Variants in ADAMTS6 observed in about 807,000 individuals in gnomAD.
The protein encoded by ADAMTS6 is ADAM metallopeptidase with thrombospondin type 1 motif 6.
A neutral mutation model predicts 144.3 loss-of-function variants in ADAMTS6; 23 were observed. That is an observed-to-expected ratio of 0.16 (90% CI 0.11 to 0.23). The LOEUF (loss-of-function observed/expected upper bound fraction) is 0.23. Among genes scored for constraint, ADAMTS6 ranks in the 10% least tolerant of loss-of-function variants. The pLI is 1.00. For synonymous variants in ADAMTS6, 444 were observed against 457.5 expected, an observed-to-expected ratio of 0.97 and a Z score of 0.38; for missense variants, 999 against 1,379.6, an observed-to-expected ratio of 0.72 and a Z score of 4.37.
At chr5:65,247,499 C>A (rs1475642839) in intron 14 of ADAMTS6, among the ~76,000 whole-genome samples, 2 of 152,120 alleles carry the variant, frequency 1.3e-5, no homozygotes, top group Non-Finnish European at 2.9e-5. Context: ...GTCCCCAATC[C>A]TTTTTGTGCC....
chr5:65,156,938 C>G (rs1422244083), intron 24 of ADAMTS6, among the ~76,000 whole-genome samples: 3 of 152,202 alleles, frequency 2.0e-5, no homozygotes, highest in African/African-American at 7.2e-5. Context: ...CCTAATTATT[C>G]TCTCCTCTTT....
intron 15 of ADAMTS6, 78 bp from the exon 16 acceptor site, chr5:65,226,297 T>C (rs11746271): frequency 0.14 from 196,008 of 1,444,864 alleles, 14,389 homozygotes; most frequent in Non-Finnish European, 0.15. Flanking sequence ...CTATGGCAAA[T>C]TTATAATTCA....
In ADAMTS6 at chr5:65,225,983, G is replaced by T. The variant is rs1757691343; in HGVS notation, c.2067+103C>A. On this transcript the variant is annotated intron_variant, in intron 16 of 24. Coordinates refer to ENST00000381055, the MANE Select transcript of ADAMTS6 (RefSeq NM_197941.4). ...GGAAATTGAATTTCTCTAAAATGTG[G>T]TCCCCTTTTTTTAAAAAATTAAACA... is the stretch of plus-strand genomic sequence containing the variant. 2.7e-5 allele frequency: 33 copies of T among 1,229,884 alleles called. No homozygotes were observed. In the East Asian group the frequency reaches 8.4e-4, roughly 31 times the overall value. 76.2% of individuals were successfully genotyped at this position (1,229,884 alleles called of 1,614,324 possible). A position where few individuals can be genotyped will look rare whatever the true frequency, so the allele number is the denominator to read the frequency against.
chr5:65,172,514 T>C (rs1753696821), intron 23 of ADAMTS6, among the ~76,000 whole-genome samples: 1 of 152,230 alleles, frequency 6.6e-6, no homozygotes, highest in African/African-American at 2.4e-5. Flanking sequence ...CAGCTGGGAC[T>C]AGAATCCAAA....
chr5:65,476,555 T>C (rs1364668348), intron 1 of ADAMTS6, among the ~76,000 whole-genome samples: 1 of 152,192 alleles, frequency 6.6e-6, no homozygotes, highest in Non-Finnish European at 1.5e-5. Flanking sequence ...ACTTCCAGTT[T>C]AAGGCACTCA....
At chr5:65,385,288 C>T (rs1230731180) in intron 7 of ADAMTS6, among the ~76,000 whole-genome samples, 1 of 152,196 alleles carries the variant, frequency 6.6e-6, no homozygotes, top group Non-Finnish European at 1.5e-5. Flanking sequence ...GTAGTACAGA[C>T]AGTATGAATT....
At chr5:65,212,035 C>T (rs1756566765) in intron 20 of ADAMTS6, among the ~76,000 whole-genome samples, 1 of 152,162 alleles carries the variant, frequency 6.6e-6, no homozygotes, top group Non-Finnish European at 1.5e-5. Flanking sequence ...CAGTGGTACA[C>T]AAACTTGAGC....
intron 9 of ADAMTS6, among the ~76,000 whole-genome samples, chr5:65,328,433 G>T (rs955501736): frequency 1.2e-4 from 18 of 151,976 alleles, no homozygotes; most frequent in Non-Finnish European, 2.2e-4. Context: ...AGCTAAAAAT[G>T]CTTGACTAAC....
chr5:65,321,860 C>T (rs1400835357), intron 9 of ADAMTS6, among the ~76,000 whole-genome samples: 1 of 151,888 alleles, frequency 6.6e-6, no homozygotes, highest in Non-Finnish European at 1.5e-5. Context: ...GGACTACAGG[C>T]ATGTGCCACC....
chr5:65,217,735 A>C (rs1580087706), intron 18 of ADAMTS6, among the ~76,000 whole-genome samples: 1 of 152,200 alleles, frequency 6.6e-6, no homozygotes. Flanking sequence ...AAATGGAATG[A>C]TATTTTAACT....
chr5:65,398,322 A>G (rs1240368065), intron 7 of ADAMTS6, among the ~76,000 whole-genome samples: 1 of 152,242 alleles, frequency 6.6e-6, no homozygotes, highest in Non-Finnish European at 1.5e-5. Context: ...TTAGGCAAAT[A>G]TACATTAAAG....
intron 1 of ADAMTS6, among the ~76,000 whole-genome samples, chr5:65,476,677 C>T (rs1414559830): frequency 2.0e-5 from 3 of 151,998 alleles, no homozygotes; most frequent in Non-Finnish European, 4.4e-5. Flanking sequence ...GGCACGATCT[C>T]AGCTCACTGC....
chr5:65,407,807 A>G (rs1215806336), intron 7 of ADAMTS6, among the ~76,000 whole-genome samples: 1 of 152,150 alleles, frequency 6.6e-6, no homozygotes, highest in African/African-American at 2.4e-5. Context: ...ACGTATGTTT[A>G]TTGCGGCACT....
chr5:65,405,559 T>C (rs1166961488), intron 7 of ADAMTS6, among the ~76,000 whole-genome samples: 3 of 152,198 alleles, frequency 2.0e-5, no homozygotes, highest in African/African-American at 7.2e-5. Context: ...CCTTGTAGTA[T>C]AGTTTGAAGT....
At chr5:65,348,793 T>G (rs1748582133) in intron 7 of ADAMTS6, among the ~76,000 whole-genome samples, 1 of 151,936 alleles carries the variant, frequency 6.6e-6, no homozygotes, top group South Asian at 2.1e-4. Flanking sequence ...TTAAAAAAAT[T>G]TTATAACTTG....
chr5:65,325,648 C>T (rs1173979276), intron 9 of ADAMTS6, among the ~76,000 whole-genome samples: 1 of 151,968 alleles, frequency 6.6e-6, no homozygotes, highest in Non-Finnish European at 1.5e-5. Flanking sequence ...TGCATGCCAC[C>T]ACACCTTGCT....
At chr5:65,211,364 G>A (rs1756520638) in intron 20 of ADAMTS6, among the ~76,000 whole-genome samples, 1 of 152,228 alleles carries the variant, frequency 6.6e-6, no homozygotes, top group Admixed American at 6.5e-5. Flanking sequence ...CACTCTGGGA[G>A]GCTGACGCAG....
At position 65,427,302 on chromosome 5, in the gene ADAMTS6, A is replaced by T. The variant is rs137868895; in HGVS notation, c.1073+24173T>A. On this transcript the variant is annotated intron_variant, in intron 7 of 24. Transcript: ENST00000381055. ...ATCAATCACTTAATTTTATTTTATTATTATTATTATTTTTTTTTAGAGACT... is the reference window on the plus strand; with the variant it reads ...ATCAATCACTTAATTTTATTTTATTTTTATTATTATTTTTTTTTAGAGACT... Among the ~76,000 whole-genome samples, 1,090 of 151,860 alleles carry T rather than the reference A, an allele frequency of 7.2e-3. 13 individuals carry two copies. Among genetic ancestry groups the T allele is most frequent in the African/African-American group, 0.025 (1,024 of 41,478 alleles).
At chr5:65,174,480 C>T (rs574302902) in intron 22 of ADAMTS6, among the ~76,000 whole-genome samples, 97 of 152,274 alleles carry the variant, frequency 6.4e-4, no homozygotes, top group East Asian at 1.7e-3. Flanking sequence ...CAGAGGAGCA[C>T]GTGGCAGGCC....
Sources: gnomAD v4.1 joint callset for allele counts (sites outside exome capture counted in the v4.1 genomes callset) on GRCh38, gnomAD v4.1.1 for gene constraint, MANE v1.5 for transcripts, NCBI Gene and HGNC (gene_info 2026-07-23, HGNC 2026-07-21) for gene names.